The following PTX4 variants were observed in gnomAD, a reference collection of about 807,000 sequenced individuals.
PTX4 encodes the protein pentraxin-4.
A neutral mutation model predicts 19.1 loss-of-function variants in PTX4; 23 were observed. The ratio of observed to expected loss-of-function variants is 1.20; its 90% confidence interval spans 0.87 to 1.70. The LOEUF is 1.70. PTX4 is among the 40% of genes most tolerant of loss of function. The pLI is 0.00. For missense variants in PTX4, 678 were observed against 610.5 expected (o/e 1.11, Z -1.17); for synonymous variants, 317 against 279.6 (o/e 1.13, Z -1.33).
At chr16:1,488,731 T>C (rs978304751) in intron 1 of PTX4, 38 bp downstream of exon 1, 1 of 663,448 alleles carries the variant, frequency 1.5e-6, no homozygotes, top group Non-Finnish European at 2.8e-6. Flanking sequence ...GCTGCCAATT[T>C]AAAAACCCGA....
In PTX4 at chr16:1,487,448, G is replaced by GC. The variant is rs2039256089; in HGVS notation, c.663_664insG (p.Pro222AlafsTer101). The GC allele has an allele frequency of 6.6e-7, 1 of 1,514,336 alleles. No individual in the cohort carries two copies. Among genetic ancestry groups the GC allele is most frequent in the Non-Finnish European group, 8.8e-7 (1 of 1,133,518 alleles). The allele number at this position is 1,514,336 out of a possible 1,614,324, so 93.8% of individuals were successfully genotyped here. A position where few individuals can be genotyped will look rare whatever the true frequency, so the allele number is the denominator to read the frequency against. On this transcript the variant is annotated frameshift_variant, in exon 2 of 3. Transcript: ENST00000447419. LOFTEE classifies it high-confidence loss of function. ...AGAGGGGCCGAGGAGTCCTGTGGGG[G>GC]GCCCCTGTGCTCAGAGGCAGCTCGG...
chr16:1,488,159 C>A lies in PTX4; in HGVS notation c.142-189G>T, dbSNP rs552252401. Reference sequence around the variant, plus strand: ...ATGTGGTGGGTGCCAGGGACTGACCCCAGGCCATGCAGCTGCACCACGTGG... The same window carrying A: ...ATGTGGTGGGTGCCAGGGACTGACCACAGGCCATGCAGCTGCACCACGTGG... On this transcript the variant is annotated intron_variant, in intron 1 of 2. Transcript: ENST00000447419. 2.0e-5 allele frequency among the ~76,000 whole-genome samples: 3 copies of A among 152,360 alleles called. No homozygotes were observed. In the South Asian group the frequency reaches 6.2e-4, roughly 32 times the overall value.
chr16:1,488,283 T>G (rs2039268157), intron 1 of PTX4: 1 of 1,584,420 alleles, frequency 6.3e-7, no homozygotes, highest in Admixed American at 1.7e-5. Flanking sequence ...CTCCTGCCTG[T>G]GAGCAGGGGA....
In PTX4 at chr16:1,488,199, G is replaced by A. The variant is rs1048068823; in HGVS notation, c.142-229C>T. 15 of 1,285,734 alleles carry A rather than the reference G, an allele frequency of 1.2e-5. No homozygotes were observed. The East Asian group carries it at 3.1e-4, about 26-fold the overall frequency. The allele number at this position is 1,285,734 out of a possible 1,614,324, so 79.6% of individuals were successfully genotyped here. ...GCACCACGTGGGGTGTGGACTCCAG[G>A]CCCACAGCTGGGGCTCTGATCCCCA... On this transcript the variant is annotated intron_variant, in intron 1 of 2. Coordinates refer to ENST00000447419, the MANE Select transcript of PTX4 (RefSeq NM_001328608.2).
Position 1,486,599 on chromosome 16 carries a change from G to C in PTX4, c.797-20C>G, listed in dbSNP as rs764336050. 1 of 1,524,260 alleles carries C rather than the reference G, an allele frequency of 6.6e-7. No homozygotes were observed. Among genetic ancestry groups the C allele is most frequent in the Non-Finnish European group, 8.8e-7 (1 of 1,137,496 alleles). The allele number at this position is 1,524,260 out of a possible 1,614,324, so 94.4% of individuals were successfully genotyped here. On this transcript the variant is annotated intron_variant, in intron 2 of 2. Coordinates refer to ENST00000447419, the MANE Select transcript of PTX4 (RefSeq NM_001328608.2). Reference sequence around the variant, plus strand: ...CGCAAACTAGAAACAGAGGAGGGAGGGTCAACCCCTTGCAGGAGGCCGAGC... The same window carrying C: ...CGCAAACTAGAAACAGAGGAGGGAGCGTCAACCCCTTGCAGGAGGCCGAGC...
rs563236067 is a variant in PTX4 at position 1,488,073 on chromosome 16, C to T, written c.142-103G>A. 1.9e-4 allele frequency: 234 copies of T among 1,229,966 alleles called. No homozygotes were observed. The African/African-American group carries it at 2.3e-3, about 12-fold the overall frequency. The allele number at this position is 1,229,966 out of a possible 1,614,324, so 76.2% of individuals were successfully genotyped here. ...AAGTTGGGAGCAGCGGCCGCGTGCC[C>T]GGGCCACGGCCAGCACTGGCTATCT... On this transcript the variant is annotated intron_variant, in intron 1 of 2. Transcript: ENST00000447419.
At chr16:1,487,267 A>C in intron 2 of PTX4, 49 bp downstream of exon 2, 1 of 1,455,938 alleles carries the variant, frequency 6.9e-7, no homozygotes, top group Non-Finnish European at 9.1e-7. Context: ...TGGTCTAAGG[A>C]GGAGCTGGAG....
intron 1 of PTX4, chr16:1,488,443 T>G: frequency 6.2e-7 from 1 of 1,613,816 alleles, no homozygotes; most frequent in Non-Finnish European, 8.5e-7. Context: ...GGTGGACCTG[T>G]GACCTCCCAG....
chr16:1,486,738 T>A (rs189643641), intron 2 of PTX4, among the ~76,000 whole-genome samples, 159 bp from the exon 3 acceptor site: 4 of 152,302 alleles, frequency 2.6e-5, no homozygotes, highest in African/African-American at 7.2e-5. Context: ...CTGCAGCGTC[T>A]CCTTCACTCT....
At chr16:1,486,614 G>A in intron 2 of PTX4, 35 bp from the exon 3 acceptor site, 1 of 1,518,234 alleles carries the variant, frequency 6.6e-7, no homozygotes, top group Non-Finnish European at 8.8e-7. Flanking sequence ...ACCCCTTGCA[G>A]GAGGCCGAGC....
intron 1 of PTX4, chr16:1,488,439 C>T: frequency 6.2e-7 from 1 of 1,613,824 alleles, no homozygotes. Context: ...ACAAGGTGGA[C>T]CTGTGACCTC....
rs759327389 is a variant in PTX4 at position 1,487,440 on chromosome 16, C to T, written c.672G>A (p.Gln224=). Residue 224 remains glutamine (Q), a synonymous_variant, in exon 2 of 3, where the codon CAG becomes CAA. Transcript: ENST00000447419. ...TCCCTTGGAGAGGGGCCGAGGAGTC[C>T]TGTGGGGGGCCCCTGTGCTCAGAGG... is the stretch of plus-strand genomic sequence containing the variant. ...RAASEHRGPP[Q]DSSAPLQGRR... The T allele has an allele frequency of 6.6e-7, 1 of 1,517,022 alleles. No homozygotes were observed. Among genetic ancestry groups the T allele is most frequent in the African/African-American group, 1.4e-5 (1 of 70,944 alleles). The allele number at this position is 1,517,022 out of a possible 1,614,324, so 94.0% of individuals were successfully genotyped here.
chr16:1,487,175 ACC>A, intron 2 of PTX4, 139 bp downstream of exon 2: 1 of 750,114 alleles, frequency 1.3e-6, no homozygotes, highest in Non-Finnish European at 1.9e-6. Context: ...ACGGTGGGCC[ACC>A]CCCCCCGATG....
At position 1,487,443 on chromosome 16, in the gene PTX4, T is replaced by TG. The variant is rs754145535; in HGVS notation, c.668dup (p.Gln224ThrfsTer99). The TG allele has an allele frequency of 5.3e-6, 8 of 1,516,154 alleles. No homozygotes were observed. The East Asian group carries it at 9.3e-5, about 18-fold the overall frequency. The allele number at this position is 1,516,154 out of a possible 1,614,324, so 93.9% of individuals were successfully genotyped here. ...CTTGGAGAGGGGCCGAGGAGTCCTG[T>TG]GGGGGGCCCCTGTGCTCAGAGGCAG... On this transcript the variant is annotated frameshift_variant, in exon 2 of 3. Transcript: ENST00000447419. LOFTEE classifies it high-confidence loss of function.
At position 1,487,557 on chromosome 16, in the gene PTX4, G is replaced by T; in HGVS notation, c.555C>A (p.Leu185=). 2 of 1,530,788 alleles carry T rather than the reference G, an allele frequency of 1.3e-6. No homozygotes were observed. Among genetic ancestry groups the T allele is most frequent in the Non-Finnish European group, 1.8e-6 (2 of 1,139,506 alleles). The allele number at this position is 1,530,788 out of a possible 1,614,324, so 94.8% of individuals were successfully genotyped here. The change falls in exon 2 of 3, where the codon CTC becomes CTA. Residue 185 remains leucine, a synonymous_variant. Coordinates refer to ENST00000447419, the MANE Select transcript of PTX4 (RefSeq NM_001328608.2). The stretch of plus-strand genomic sequence containing the variant: ...TTGGGGTTGGGACCAGGGCCGGCCC[G>T]AGGGCTGCAGTGCCAGGGTGGGCCA... The part of the protein sequence containing the change: ...LPVAHPGTAA[L]GPALVPTPTQ...
Position 1,487,818 on chromosome 16 carries a change from C to T in PTX4, c.294G>A (p.Gln98=), listed in dbSNP as rs2142424803. ...QAVNRSQASV[Q]GELAQLKAWV... ...AGGCCTTGAGCTGCGCCAGCTCCCC[C>T]TGCACCGAGGCCTGTGACCGGTTGA... is the stretch of plus-strand genomic sequence containing the variant. Residue 98 remains glutamine, a synonymous_variant, in exon 2 of 3, where the codon CAG becomes CAA. Coordinates refer to ENST00000447419, the MANE Select transcript of PTX4 (RefSeq NM_001328608.2). 2 of 1,613,160 alleles carry T rather than the reference C, an allele frequency of 1.2e-6. No homozygotes were observed. The highest frequency in any genetic ancestry group is 4.5e-5 in the East Asian group (2 of 44,882).
In PTX4 at chr16:1,486,384, T is replaced by C. The variant is rs776660246; in HGVS notation, c.992A>G (p.Asp331Gly). The change falls in exon 3 of 3, where the codon GAC (aspartate) becomes GGC (glycine). Residue 331 changes from aspartate (D) to glycine (G), a missense_variant. By Grantham distance (94) the Asp-to-Gly change is moderately conservative. Transcript: ENST00000447419. ...GTGGATGGATCCGGGCAGCAGGGAG[T>C]CTCGGCCGTGCAGCACCAGCTTGTT... Reference protein sequence around the residue: ...NDNKLVLHGRDSLLPGSIHFV... With the variant: ...NDNKLVLHGRGSLLPGSIHFV... 1 of 1,613,422 alleles carries C rather than the reference T, an allele frequency of 6.2e-7. No homozygotes were observed. The highest frequency in any genetic ancestry group is 1.7e-5 in the Admixed American group (1 of 59,994).
intron 2 of PTX4, 32 bp from the exon 3 acceptor site, chr16:1,486,611 G>A (rs1409973016): frequency 2.0e-6 from 3 of 1,518,400 alleles, no homozygotes; most frequent in Non-Finnish European, 1.8e-6. Flanking sequence ...TCAACCCCTT[G>A]CAGGAGGCCG....
rs763191759 is a variant in PTX4 at position 1,488,843 on chromosome 16, C to A, written c.67G>T (p.Ala23Ser). ...LVFVPIYLHG[A>S]SSQEAAPVGP... ...ACTGGGGCGGCTTCCTGCGATGAAG[C>A]CCCATGTAGATATATAGGCACAAAA... Residue 23 changes from alanine (A) to serine (S), a missense_variant, in exon 1 of 3, where the codon GCT becomes TCT. Transcript: ENST00000447419. The A allele has an allele frequency of 7.1e-6, 5 of 702,598 alleles. No homozygotes were observed. The South Asian group carries it at 7.4e-5, about 10-fold the overall frequency. The allele number at this position is 702,598 out of a possible 1,614,324, so 43.5% of individuals were successfully genotyped here.
Sources: gnomAD v4.1 joint callset for allele counts (sites outside exome capture counted in the v4.1 genomes callset) on GRCh38, gnomAD v4.1.1 for gene constraint, MANE v1.5 for transcripts, NCBI Gene and HGNC (gene_info 2026-07-23, HGNC 2026-07-21) for gene names.